The following MGAT5 variants were observed in gnomAD, a reference collection of about 807,000 sequenced individuals.
MGAT5 encodes the protein alpha-1,6-mannosylglycoprotein 6-beta-N-acetylglucosaminyltransferase A.
MGAT5 carries 30 observed loss-of-function variants against 94.3 expected under a neutral mutation model. The ratio of observed to expected loss-of-function variants is 0.32; its 90% CI spans 0.24 to 0.43. The LOEUF (loss-of-function observed/expected upper bound fraction) is 0.43. Ranked by LOEUF, MGAT5 falls within the 20% of genes least tolerant of loss-of-function variation. The pLI, the probability that MGAT5 is intolerant of heterozygous loss-of-function variation, is 1.00. For missense variants in MGAT5, 691 were observed against 905.5 expected (o/e 0.76, Z 3.04); for synonymous variants, 310 against 322.9 (o/e 0.96, Z 0.43).
chr2:134,339,854 A>T (rs1342923284), intron 6 of MGAT5, among the ~76,000 whole-genome samples: 1 of 152,198 alleles, frequency 6.6e-6, no homozygotes, highest in African/African-American at 2.4e-5. Flanking sequence ...GAACACAGTA[A>T]ACTGTACACT....
rs1350453588 is a variant in MGAT5 at position 134,145,212 on chromosome 2, C to CTGTGTGTGTGTG, written c.-143+24922_-143+24923insGTGTGTGTGTGT. 2.5e-3 allele frequency among the ~76,000 whole-genome samples: 287 copies of CTGTGTGTGTGTG among 113,756 alleles called. 2 individuals are homozygous for CTGTGTGTGTGTG. The highest frequency in any genetic ancestry group is 0.01 in the African/African-American group (268 of 25,942). 74.6% of individuals were successfully genotyped at this position (113,756 alleles called of 152,430 possible). ...AAGTAAGGTGTGTGTGTGTCTCTCT[C>CTGTGTGTGTGTG]TCTGTGTGTGTGTGTGTGTGTGTGT... is the stretch of plus-strand genomic sequence containing the variant. On this transcript the variant is annotated intron_variant, in intron 1 of 16. Coordinates refer to the MGAT5 transcript ENST00000409645.
At chr2:134,411,226 AG>A (rs1683638436) in intron 11 of MGAT5, among the ~76,000 whole-genome samples, 1 of 152,184 alleles carries the variant, frequency 6.6e-6, no homozygotes, top group Admixed American at 6.5e-5. Flanking sequence ...AGTAAGATGC[AG>A]AGCAGGAGCT....
intron 4 of MGAT5, among the ~76,000 whole-genome samples, chr2:134,324,385 T>G (rs1687519869): frequency 6.6e-6 from 1 of 152,196 alleles, no homozygotes; most frequent in South Asian, 2.1e-4. Flanking sequence ...ATCTAGTTCT[T>G]ATATTTCATA....
intron 1 of MGAT5, among the ~76,000 whole-genome samples, chr2:134,158,159 G>A (rs753606143): frequency 6.6e-6 from 1 of 152,234 alleles, no homozygotes; most frequent in African/African-American, 2.4e-5. Context: ...CTGGCCCCCA[G>A]GCCTCAGGCC....
intron 1 of MGAT5, chr2:134,120,393 C>CACT: frequency 2.8e-6 from 1 of 360,900 alleles, no homozygotes; most frequent in African/African-American, 2.1e-5. Flanking sequence ...GAACCAGGCG[C>CACT]GGGCGAGGAG....
chr2:134,398,504 ATG>A (rs973083083), intron 10 of MGAT5, among the ~76,000 whole-genome samples: 27 of 152,286 alleles, frequency 1.8e-4, no homozygotes, highest in Middle Eastern at 3.4e-3. Context: ...CAGGAGAAAT[ATG>A]TGTGTCTGCA....
intron 1 of MGAT5, among the ~76,000 whole-genome samples, chr2:134,255,109 T>C (rs115324670): frequency 0.022 from 3,351 of 152,276 alleles, 117 homozygotes; most frequent in African/African-American, 0.075. Flanking sequence ...CCAATAAATA[T>C]GACACTGGCA....
chr2:134,398,340 C>T (rs1165768855), intron 10 of MGAT5, among the ~76,000 whole-genome samples: 1 of 152,180 alleles, frequency 6.6e-6, no homozygotes, highest in East Asian at 1.9e-4. Flanking sequence ...CTGGTTTTGT[C>T]ACCCTGGAGA....
At chr2:134,158,131 G>A (rs1488713867) in intron 1 of MGAT5, among the ~76,000 whole-genome samples, 1 of 152,242 alleles carries the variant, frequency 6.6e-6, no homozygotes, top group Non-Finnish European at 1.5e-5. Context: ...TATCACTCTG[G>A]TAGGTGGAAC....
chr2:134,410,995 A>C (rs1683620075), intron 11 of MGAT5, among the ~76,000 whole-genome samples: 1 of 152,202 alleles, frequency 6.6e-6, no homozygotes, highest in South Asian at 2.1e-4. Context: ...AAAGTCTGAT[A>C]GGAGAGGGCA....
At chr2:134,316,446 T>A (rs1435267201) in intron 2 of MGAT5, among the ~76,000 whole-genome samples, 2 of 152,196 alleles carry the variant, frequency 1.3e-5, no homozygotes, top group Non-Finnish European at 2.9e-5. Flanking sequence ...CTTGGAGCTT[T>A]GGAGAGTGGG....
chr2:134,271,250 ACTGCTCTGAG>A (rs1684010767), intron 2 of MGAT5, among the ~76,000 whole-genome samples: 1 of 148,296 alleles, frequency 6.7e-6, no homozygotes, highest in Non-Finnish European at 1.5e-5. Context: ...CCACCATCAC[ACTGCTCTGAG>A]GTCAGCCCCT....
chr2:134,387,330 A>ATTTTTTTTT (rs1273275881), intron 10 of MGAT5, among the ~76,000 whole-genome samples: 3 of 39,374 alleles, frequency 7.6e-5, no homozygotes, highest in African/African-American at 2.9e-4. Flanking sequence ...ATATATATAT[A>ATTTTTTTTT]TATTTTTTTT....
At chr2:134,327,018 C>T (rs942179043) in intron 4 of MGAT5, among the ~76,000 whole-genome samples, 8 of 152,076 alleles carry the variant, frequency 5.3e-5, no homozygotes, top group Non-Finnish European at 2.9e-5. Flanking sequence ...TTTGTTCTCA[C>T]GTACAATGAT....
At chr2:134,215,169 C>T (rs747566266) in intron 1 of MGAT5, among the ~76,000 whole-genome samples, 2 of 152,136 alleles carry the variant, frequency 1.3e-5, no homozygotes, top group South Asian at 2.1e-4. Flanking sequence ...CCCATTCTAC[C>T]GTAGATGGGC....
chr2:134,221,011 A>G (rs1480879703), intron 1 of MGAT5, among the ~76,000 whole-genome samples: 1 of 152,110 alleles, frequency 6.6e-6, no homozygotes, highest in Non-Finnish European at 1.5e-5. Context: ...CTTGTCCTGC[A>G]GTTTTTTGTG....
At chr2:134,344,018 G>A (rs1266433518) in intron 7 of MGAT5, among the ~76,000 whole-genome samples, 1 of 152,174 alleles carries the variant, frequency 6.6e-6, no homozygotes, top group Non-Finnish European at 1.5e-5. Flanking sequence ...TGATGTGGTG[G>A]TAGTACAGAG....
intron 8 of MGAT5, among the ~76,000 whole-genome samples, chr2:134,347,850 C>T (rs560820925): frequency 1.2e-4 from 19 of 152,260 alleles, no homozygotes; most frequent in Admixed American, 1.2e-3. Flanking sequence ...AGCCAAGGCT[C>T]CACATGACCA....
At chr2:134,284,865 G>A (rs1406626148) in intron 2 of MGAT5, among the ~76,000 whole-genome samples, 1 of 152,144 alleles carries the variant, frequency 6.6e-6, no homozygotes, top group East Asian at 1.9e-4. Context: ...GTCACGTGTG[G>A]CATTTTTAAA....
Sources: allele counts gnomAD v4.1 joint callset (sites outside exome capture counted in the v4.1 genomes callset), GRCh38; gene constraint gnomAD v4.1.1; transcripts MANE v1.5; gene names NCBI Gene and HGNC (gene_info 2026-07-23, HGNC 2026-07-21).